The following LRRK1 variants were observed in gnomAD, a reference collection of about 807,000 sequenced individuals.
The protein encoded by LRRK1 is leucine-rich repeat serine/threonine-protein kinase 1.
A neutral mutation model predicts 209.1 loss-of-function variants in LRRK1; 113 were observed. That is an observed-to-expected ratio of 0.54 (90% CI 0.46 to 0.63). The LOEUF is 0.63. LRRK1 is among the 30% of genes least tolerant of loss of function. The pLI is 0.00. For missense variants in LRRK1, 2,284 were observed against 2,632.2 expected (o/e 0.87, Z 2.89); for synonymous variants, 1,144 against 1,099.7 (o/e 1.04, Z -0.80).
chr15:101,027,713 C>T lies in LRRK1; in HGVS notation c.2602C>T (p.Gln868Ter), dbSNP rs1274852106. The T allele has an allele frequency of 6.2e-7, 1 of 1,612,444 alleles. No individual in the cohort carries two copies. Residue 868 changes from glutamine to a stop codon, truncating the protein, a stop_gained, in exon 19 of 34, where the codon CAG (glutamine) becomes TAG (stop). Transcript: ENST00000388948. LOFTEE classifies it high-confidence loss of function. This position sits in a 1 kb window ranked among gnomAD's most constrained non-coding sequence, Gnocchi z 5.1. ...QQRRSRDDDVQYLTDRQLEQL... is the reference protein window; with the variant it reads ...QQRRSRDDDV ...GCGCCGCAGCCGGGACGACGACGTG[C>T]AGTACCTGACGGACAGGCAGCTGGA...
Position 101,066,083 on chromosome 15 carries a change from T to TA in LRRK1, c.5647dup (p.Thr1883AsnfsTer10), listed in dbSNP as rs1308433037. The TA allele has an allele frequency of 6.2e-7, 1 of 1,614,126 alleles. No homozygotes were observed. Among genetic ancestry groups the TA allele is most frequent in the Admixed American group, 1.7e-5 (1 of 60,024 alleles). On this transcript the variant is annotated frameshift_variant, in exon 32 of 34. Transcript: ENST00000388948. LOFTEE classifies it high-confidence loss of function. Reference sequence around the variant, plus strand: ...ACTGCGAGGACTCAGACATGCTACATACGCCCGGTGCTGCCTCCGACAGGT... The same window carrying TA: ...ACTGCGAGGACTCAGACATGCTACATAACGCCCGGTGCTGCCTCCGACAGGT...
chr15:101,045,185 G>C (rs2034998465), intron 20 of LRRK1, among the ~76,000 whole-genome samples: 1 of 152,258 alleles, frequency 6.6e-6, no homozygotes, highest in South Asian at 2.1e-4. Flanking sequence ...TTTCCAGAAA[G>C]TTCTAAGGAC....
Position 101,057,522 on chromosome 15 carries a change from G to A in LRRK1, c.4528-468G>A, listed in dbSNP as rs568251019. Among the ~76,000 whole-genome samples the A allele has an allele frequency of 2.3e-4, 35 of 152,342 alleles. No individual in the cohort carries two copies. In the South Asian group the frequency reaches 5.2e-3, roughly 23 times the overall value. On this transcript the variant is annotated intron_variant, in intron 28 of 33. Coordinates refer to ENST00000388948, the MANE Select transcript of LRRK1 (RefSeq NM_024652.6). ...TTAAATCAGACAGAGCTAGTTTAAT[G>A]TATGGGGAGTAAACAGGGTATTCTT...
chr15:100,987,240 C>T (rs1469363646), intron 4 of LRRK1, among the ~76,000 whole-genome samples: 2 of 152,068 alleles, frequency 1.3e-5, no homozygotes, highest in Non-Finnish European at 2.9e-5. Flanking sequence ...AATGTCCTGT[C>T]GCGAAGGAGA....
chr15:100,989,930 A>T (rs2032068557), intron 6 of LRRK1, among the ~76,000 whole-genome samples: 1 of 151,292 alleles, frequency 6.6e-6, no homozygotes, highest in Non-Finnish European at 1.5e-5. Flanking sequence ...TTTCTTTTTT[A>T]AATTTTTATG....
chr15:100,963,653 G>A (rs138921968), intron 2 of LRRK1, among the ~76,000 whole-genome samples: 23 of 152,304 alleles, frequency 1.5e-4, no homozygotes, highest in Non-Finnish European at 2.6e-4. Context: ...CTTTTAGTGT[G>A]CACCGTGTCA....
At chr15:101,055,273 C>T in intron 27 of LRRK1, 50 bp downstream of exon 27, 1 of 1,482,954 alleles carries the variant, frequency 6.7e-7, no homozygotes, top group South Asian at 1.4e-5. Flanking sequence ...GAGCCCAGCC[C>T]TCAGGCTAGC....
chr15:100,929,389 G>T (rs1401608039), intron 2 of LRRK1, among the ~76,000 whole-genome samples: 1 of 152,138 alleles, frequency 6.6e-6, no homozygotes, highest in Non-Finnish European at 1.5e-5. Context: ...GGAGGAGAAG[G>T]AACATTCCAG....
chr15:100,939,562 C>G (rs1210376157), intron 2 of LRRK1, among the ~76,000 whole-genome samples: 1 of 152,220 alleles, frequency 6.6e-6, no homozygotes, highest in African/African-American at 2.4e-5. Flanking sequence ...AGCGCAATCA[C>G]TCTTTATAAA....
At chr15:100,947,314 A>G (rs2042560538) in intron 2 of LRRK1, among the ~76,000 whole-genome samples, 1 of 152,216 alleles carries the variant, frequency 6.6e-6, no homozygotes, top group African/African-American at 2.4e-5. Flanking sequence ...GTTAATAGAA[A>G]AAAATAGAAA....
rs573969927 is a variant in LRRK1, at chr15:101,011,337, G to T, written c.1281+500G>T. On this transcript the variant is annotated intron_variant, in intron 9 of 33. Coordinates refer to ENST00000388948, the MANE Select transcript of LRRK1 (RefSeq NM_024652.6). ...AAAAAAAAAAAAAAATAAGCTGGGC[G>T]TGGTGGCACGTGGCTGTAGTCCCAG... 1.2e-3 allele frequency among the ~76,000 whole-genome samples: 178 copies of T among 151,870 alleles called. 5 individuals carry two copies. Among genetic ancestry groups the T allele is most frequent in the Admixed American group, 0.01 (155 of 15,240 alleles).
chr15:100,929,644 T>C (rs1356068321), intron 2 of LRRK1, among the ~76,000 whole-genome samples: 2 of 152,106 alleles, frequency 1.3e-5, no homozygotes, highest in Non-Finnish European at 2.9e-5. Flanking sequence ...GAGGGACAGA[T>C]CCCCAGTGAT....
intron 2 of LRRK1, among the ~76,000 whole-genome samples, chr15:100,955,912 G>A (rs1470399537): frequency 6.6e-6 from 1 of 152,034 alleles, no homozygotes; most frequent in Admixed American, 6.6e-5. Flanking sequence ...GAGGATTTTT[G>A]CACCTAAGTT....
rs1319451877 is a variant in LRRK1 at position 101,022,887 on chromosome 15, T to C, written c.2067+290T>C. 6.6e-6 allele frequency among the ~76,000 whole-genome samples: 1 copy of C among 152,046 alleles called. No homozygotes were observed. Among genetic ancestry groups the C allele is most frequent in the Non-Finnish European group, 1.5e-5 (1 of 68,004 alleles). ...GGATGCATCCTCAACCTCCCCAGCT[T>C]AAATGATCCACCTGCCCTGTATGTT... On this transcript the variant is annotated intron_variant, in intron 15 of 33. Coordinates refer to ENST00000388948, the MANE Select transcript of LRRK1 (RefSeq NM_024652.6). This position sits in a 1 kb window ranked among gnomAD's most constrained non-coding sequence, Gnocchi z 4.0.
intron 29 of LRRK1, among the ~76,000 whole-genome samples, chr15:101,060,125 A>C (rs962469503): frequency 2.0e-5 from 3 of 152,098 alleles, no homozygotes; most frequent in South Asian, 2.1e-4. Flanking sequence ...ACAGGAAGGG[A>C]GGAGGGGGCT....
intron 6 of LRRK1, among the ~76,000 whole-genome samples, chr15:101,002,327 T>A (rs1212951307): frequency 6.6e-6 from 1 of 152,228 alleles, no homozygotes; most frequent in Non-Finnish European, 1.5e-5. Flanking sequence ...ATACACCTAA[T>A]CCTTCTTGAA....
chr15:101,048,472 G>A (rs2035211621), intron 21 of LRRK1, 22 bp from the exon 22 acceptor site: 1 of 1,597,736 alleles, frequency 6.3e-7, no homozygotes, highest in African/African-American at 1.4e-5. Flanking sequence ...TACTTAAGCA[G>A]GGTCTTTTCT....
intron 2 of LRRK1, among the ~76,000 whole-genome samples, chr15:100,970,562 G>A (rs2030798274): frequency 6.6e-6 from 1 of 152,122 alleles, no homozygotes; most frequent in Admixed American, 6.5e-5. Flanking sequence ...TTTTTTGGAA[G>A]GATAATGGCT....
intron 6 of LRRK1, among the ~76,000 whole-genome samples, chr15:100,999,326 G>A (rs1268049357): frequency 6.6e-6 from 1 of 152,186 alleles, no homozygotes; most frequent in African/African-American, 2.4e-5. Context: ...CAAAGAAAAA[G>A]TGATGAATTT....
Sources: gnomAD v4.1 joint callset for allele counts (sites outside exome capture counted in the v4.1 genomes callset) on GRCh38, gnomAD v4.1.1 for gene constraint, Gnocchi (gnomAD v3.1) non-coding constraint, MANE v1.5 for transcripts, NCBI Gene and HGNC (gene_info 2026-07-23, HGNC 2026-07-21) for gene names.